Variants in CSMD1 observed in about 807,000 individuals in gnomAD.
CSMD1 encodes the protein CUB and sushi domain-containing protein 1.
CSMD1 carries 213 observed loss-of-function variants against 417.5 expected under a neutral mutation model. The observed-to-expected ratio is 0.51, with a 90% CI of 0.46 to 0.57. The LOEUF (loss-of-function observed/expected upper bound fraction) is 0.57, where lower values mean the gene tolerates loss of function less well. CSMD1 is among the 20% of genes least tolerant of loss of function. CSMD1 has a pLI of 0.00. For synonymous variants in CSMD1, 2,862 were observed against 1,736.8 expected (o/e 1.65, Z -16.11); for missense variants, 6,923 against 4,529.7 (o/e 1.53, Z -15.17).
intron 5 of CSMD1, among the ~76,000 whole-genome samples, chr8:3,938,012 C>T (rs760085011): frequency 6.6e-6 from 1 of 152,034 alleles, no homozygotes; most frequent in Non-Finnish European, 1.5e-5. Context: ...CTATAAAACC[C>T]AGCATCTAAC....
In CSMD1 at chr8:4,647,600, G is replaced by T. The variant is rs544922392; in HGVS notation, c.86-10042C>A. On this transcript the variant is annotated intron_variant, in intron 1 of 69. Coordinates refer to ENST00000635120, the MANE Select transcript of CSMD1 (RefSeq NM_033225.6). ...CCCCCAATATGTCCTGGTGTGTGTT[G>T]TTCCCCTCTCTGTATCTATGTGTTC... 3.7e-4 allele frequency among the ~76,000 whole-genome samples: 55 copies of T among 150,296 alleles called. 1 individual carries two copies. The South Asian group carries it at 0.011, about 30-fold the overall frequency.
intron 49 of CSMD1, among the ~76,000 whole-genome samples, chr8:3,080,296 G>A (rs183210027): frequency 1.4e-3 from 215 of 152,322 alleles, no homozygotes; most frequent in African/African-American, 4.6e-3. Context: ...AATAAGATTA[G>A]TGTGCTGATA....
intron 3 of CSMD1, among the ~76,000 whole-genome samples, chr8:4,358,253 C>T (rs187440543): frequency 3.3e-5 from 5 of 152,300 alleles, no homozygotes; most frequent in African/African-American, 9.6e-5. Context: ...GCTTGTTGAA[C>T]TTTTGCTTTA....
intron 3 of CSMD1, among the ~76,000 whole-genome samples, chr8:4,086,596 C>G (rs1425443454): frequency 2.6e-5 from 4 of 152,162 alleles, no homozygotes; most frequent in Admixed American, 6.5e-5. Context: ...TGCAGCTTAA[C>G]CTTGAATAAA....
chr8:4,544,876 A>T (rs1797562724), intron 2 of CSMD1, among the ~76,000 whole-genome samples: 2 of 152,366 alleles, frequency 1.3e-5, no homozygotes, highest in African/African-American at 2.4e-5. Flanking sequence ...AGCAGCAAGG[A>T]ATCTTCTCCA....
chr8:3,635,919 T>G (rs534919412), intron 7 of CSMD1, among the ~76,000 whole-genome samples: 2 of 152,310 alleles, frequency 1.3e-5, no homozygotes, highest in East Asian at 3.9e-4. Context: ...TAACTTCCTG[T>G]AAGCTGACTT....
chr8:3,245,909 G>A (rs189735970), intron 26 of CSMD1, among the ~76,000 whole-genome samples: 147 of 152,212 alleles, frequency 9.7e-4, no homozygotes, highest in Middle Eastern at 3.4e-3. Flanking sequence ...GACATGAATC[G>A]CATTCTACTT....
intron 3 of CSMD1, among the ~76,000 whole-genome samples, chr8:4,089,849 G>C (rs141623806): frequency 4.6e-5 from 7 of 152,242 alleles, no homozygotes; most frequent in South Asian, 2.1e-4. Context: ...GGAATGAATG[G>C]TGGTGGGATC....
intron 17 of CSMD1, among the ~76,000 whole-genome samples, chr8:3,395,714 C>G (rs757920371): frequency 6.6e-6 from 1 of 152,072 alleles, no homozygotes; most frequent in Non-Finnish European, 1.5e-5. Flanking sequence ...GTTTTAATTC[C>G]TTCGCCTCTT....
intron 50 of CSMD1, among the ~76,000 whole-genome samples, chr8:3,031,374 T>C (rs1810331045): frequency 6.7e-6 from 1 of 149,836 alleles, no homozygotes; most frequent in African/African-American, 2.4e-5. Context: ...AAATGATGAG[T>C]TAATGGGTGC....
intron 2 of CSMD1, among the ~76,000 whole-genome samples, chr8:4,472,719 G>T (rs534147502): frequency 2.0e-5 from 3 of 151,934 alleles, no homozygotes; most frequent in African/African-American, 7.2e-5. Context: ...GGTGTAAACA[G>T]CACTTTTACT....
At chr8:3,907,080 C>T (rs758657648) in intron 5 of CSMD1, among the ~76,000 whole-genome samples, 1 of 152,182 alleles carries the variant, frequency 6.6e-6, no homozygotes, top group Non-Finnish European at 1.5e-5. Flanking sequence ...CTAGTAATCA[C>T]ATCCCATGAC....
At position 4,410,779 on chromosome 8, in the gene CSMD1, C is replaced by A. The variant is rs532518281; in HGVS notation, c.415+9174G>T. ...ATTAAGAAATGAAAGTATAACAACT[C>A]ATGAGTTGAGACTCCCCTCTGCAAT... On this transcript the variant is annotated intron_variant, in intron 3 of 69. Transcript: ENST00000635120. Among the ~76,000 whole-genome samples the A allele has an allele frequency of 2.2e-3, 333 of 152,260 alleles. 2 individuals are homozygous for A. The highest frequency in any genetic ancestry group is 7.8e-3 in the African/African-American group (324 of 41,548).
chr8:4,821,168 C>G (rs189044803), intron 1 of CSMD1, among the ~76,000 whole-genome samples: 26 of 152,252 alleles, frequency 1.7e-4, no homozygotes, highest in Admixed American at 1.4e-3. Context: ...ATCCTCTCTT[C>G]TCTGTAATCA....
intron 10 of CSMD1, among the ~76,000 whole-genome samples, chr8:3,544,804 A>G (rs929710855): frequency 6.6e-6 from 1 of 152,130 alleles, no homozygotes; most frequent in African/African-American, 2.4e-5. Context: ...ATGAGAAAAG[A>G]TATGAAGACA....
chr8:3,022,054 G>A (rs537747966), intron 51 of CSMD1, among the ~76,000 whole-genome samples: 5 of 139,414 alleles, frequency 3.6e-5, no homozygotes, highest in South Asian at 4.7e-4. Flanking sequence ...CACAGCATCC[G>A]GAATGCACCC....
intron 3 of CSMD1, among the ~76,000 whole-genome samples, chr8:4,062,060 G>A (rs954509754): frequency 2.0e-5 from 3 of 152,140 alleles, no homozygotes; most frequent in African/African-American, 7.2e-5. Flanking sequence ...GCCAGCTGCC[G>A]TGGTGGAGCC....
chr8:3,295,577 C>G (rs896210324), intron 25 of CSMD1, among the ~76,000 whole-genome samples: 1 of 152,210 alleles, frequency 6.6e-6, no homozygotes, highest in Admixed American at 6.5e-5. Context: ...ACACGTGGTA[C>G]CGCACTGTAT....
chr8:3,117,157 G>C (rs1816922950), intron 42 of CSMD1, among the ~76,000 whole-genome samples: 1 of 152,112 alleles, frequency 6.6e-6, no homozygotes, highest in South Asian at 2.1e-4. Flanking sequence ...TGCAACCTCA[G>C]CCTCCTGGGT....
Sources: gnomAD v4.1 joint callset for allele counts (sites outside exome capture counted in the v4.1 genomes callset) on GRCh38, gnomAD v4.1.1 for gene constraint, MANE v1.5 for transcripts, NCBI Gene and HGNC (gene_info 2026-07-23, HGNC 2026-07-21) for gene names.